Variants in SCFD2 observed in about 807,000 individuals in gnomAD.
SCFD2 encodes sec1 family domain-containing protein 2.
Under a neutral mutation model 58.9 loss-of-function variants are expected in SCFD2, and 54 were observed. The observed-to-expected ratio is 0.92, with a 90% confidence interval of 0.74 to 1.15. SCFD2 has a LOEUF of 1.15. SCFD2 is among the 50% of genes most tolerant of loss of function. The pLI, the probability that SCFD2 is intolerant of heterozygous loss-of-function variation, is 0.00. For synonymous variants in SCFD2, 321 were observed against 335.9 expected (o/e 0.96, Z 0.49); for missense variants, 805 against 836.6 (o/e 0.96, Z 0.47).
chr4:53,335,333 T>G (rs1733649356), intron 2 of SCFD2, among the ~76,000 whole-genome samples: 1 of 152,010 alleles, frequency 6.6e-6, no homozygotes, highest in African/African-American at 2.4e-5. Context: ...TGAAGAACAT[T>G]CTCCAAAATT....
intron 4 of SCFD2, among the ~76,000 whole-genome samples, chr4:53,248,875 C>T (rs1320798462): frequency 6.6e-6 from 1 of 152,176 alleles, no homozygotes; most frequent in East Asian, 1.9e-4. Context: ...CAGAAAAACT[C>T]GAAATTCTAA....
At chr4:52,970,568 C>G (rs1721073935) in intron 5 of SCFD2, among the ~76,000 whole-genome samples, 1 of 152,228 alleles carries the variant, frequency 6.6e-6, no homozygotes, top group African/African-American at 2.4e-5. Flanking sequence ...GCCTGCCTGC[C>G]TCTGTAGACT....
chr4:52,945,396 C>T (rs1183261609), intron 5 of SCFD2, among the ~76,000 whole-genome samples: 1 of 152,118 alleles, frequency 6.6e-6, no homozygotes, highest in African/African-American at 2.4e-5. Context: ...TATCCCCAGC[C>T]CACACTTAAG....
intron 5 of SCFD2, among the ~76,000 whole-genome samples, chr4:53,037,330 G>T (rs1483208231): frequency 3.9e-5 from 6 of 152,082 alleles, no homozygotes; most frequent in African/African-American, 1.4e-4. Flanking sequence ...AAAAATTATG[G>T]AGAAATATTC....
intron 5 of SCFD2, among the ~76,000 whole-genome samples, chr4:52,990,225 C>T (rs1018497905): frequency 6.6e-6 from 1 of 152,232 alleles, no homozygotes; most frequent in Non-Finnish European, 1.5e-5. Flanking sequence ...TGTTTTCTTA[C>T]ATTTAATATC....
rs1437046932 is a variant in SCFD2, at chr4:52,873,489, G to A, written c.*480C>T. 6.5e-6 allele frequency: 1 copy of A among 153,798 alleles called. No individual in the cohort carries two copies. Among genetic ancestry groups the A allele is most frequent in the African/African-American group, 2.4e-5 (1 of 41,430 alleles). 9.5% of individuals were successfully genotyped at this position (153,798 alleles called of 1,614,324 possible). A position where few individuals can be genotyped will look rare whatever the true frequency, so the allele number is the denominator to read the frequency against. ...TGTTTCAGAGCAAGAGAGAAACAAA[G>A]CCTCAGACCCTATTTGCAATGTTCC... On this transcript the variant is annotated 3_prime_UTR_variant, in exon 9 of 9. Transcript: ENST00000401642.
At chr4:53,343,259 G>T (rs1461124255) in intron 2 of SCFD2, among the ~76,000 whole-genome samples, 10 of 152,130 alleles carry the variant, frequency 6.6e-5, no homozygotes, top group Non-Finnish European at 1.5e-4. Context: ...GATGAAAAAT[G>T]ATAAAGGGGT....
intron 4 of SCFD2, among the ~76,000 whole-genome samples, chr4:53,272,772 T>A (rs1470353670): frequency 6.6e-6 from 1 of 152,032 alleles, no homozygotes; most frequent in Non-Finnish European, 1.5e-5. Flanking sequence ...AGTTAATGGG[T>A]GCAGCACATC....
chr4:53,107,061 G>A (rs908933790), intron 5 of SCFD2, among the ~76,000 whole-genome samples: 1 of 152,124 alleles, frequency 6.6e-6, no homozygotes, highest in African/African-American at 2.4e-5. Context: ...AAGAGAGTGG[G>A]GGCCAATATT....
chr4:53,109,237 A>G (rs1180333718), intron 5 of SCFD2, among the ~76,000 whole-genome samples: 2 of 152,242 alleles, frequency 1.3e-5, no homozygotes, highest in South Asian at 2.1e-4. Context: ...AGAGCTATCT[A>G]TGACAAACCC....
At chr4:52,962,473 A>G (rs1720872741) in intron 5 of SCFD2, among the ~76,000 whole-genome samples, 1 of 152,176 alleles carries the variant, frequency 6.6e-6, no homozygotes, top group Admixed American at 6.5e-5. Flanking sequence ...AGTCTTCCCT[A>G]TAAATGTCGT....
At chr4:52,995,354 CGG>C (rs1373247080) in intron 5 of SCFD2, among the ~76,000 whole-genome samples, 4 of 152,144 alleles carry the variant, frequency 2.6e-5, no homozygotes, top group African/African-American at 9.7e-5. Context: ...GGAGCTCAGG[CGG>C]TAATGCTCCC....
chr4:52,966,848 A>G (rs1720976101), intron 5 of SCFD2, among the ~76,000 whole-genome samples: 1 of 152,216 alleles, frequency 6.6e-6, no homozygotes, highest in Admixed American at 6.5e-5. Flanking sequence ...AAGCTCATGT[A>G]TATAACATAA....
At chr4:53,271,598 G>A (rs1012452224) in intron 4 of SCFD2, among the ~76,000 whole-genome samples, 12 of 151,902 alleles carry the variant, frequency 7.9e-5, no homozygotes, top group Non-Finnish European at 2.9e-5. Flanking sequence ...GAGTAGCTGG[G>A]ACTACAGAGG....
chr4:53,198,355 T>G (rs1464594978), intron 4 of SCFD2, among the ~76,000 whole-genome samples: 1 of 152,036 alleles, frequency 6.6e-6, no homozygotes, highest in Non-Finnish European at 1.5e-5. Context: ...CGGGCTGTTA[T>G]AAATTCAAAC....
chr4:53,234,607 G>C (rs1249942542), intron 4 of SCFD2, among the ~76,000 whole-genome samples: 2 of 151,872 alleles, frequency 1.3e-5, no homozygotes, highest in African/African-American at 4.8e-5. Flanking sequence ...ACATTTCTTT[G>C]GAAAATTTAA....
intron 6 of SCFD2, among the ~76,000 whole-genome samples, chr4:52,919,315 A>G (rs1719680097): frequency 6.6e-6 from 1 of 152,180 alleles, no homozygotes; most frequent in South Asian, 2.1e-4. Context: ...ATCATATATC[A>G]CTAGTTCTAG....
At chr4:53,008,919 T>C (rs1367074215) in intron 5 of SCFD2, among the ~76,000 whole-genome samples, 7 of 152,188 alleles carry the variant, frequency 4.6e-5, no homozygotes, top group Admixed American at 2.0e-4. Context: ...TTCTATGTAC[T>C]TTTCTCTTTT....
At chr4:53,302,796 G>A (rs1280382993) in intron 3 of SCFD2, among the ~76,000 whole-genome samples, 1 of 151,954 alleles carries the variant, frequency 6.6e-6, no homozygotes, top group Non-Finnish European at 1.5e-5. Flanking sequence ...AAATAATGCT[G>A]CATATCTACA....
Sources: allele counts gnomAD v4.1 joint callset (sites outside exome capture counted in the v4.1 genomes callset), GRCh38; gene constraint gnomAD v4.1.1; transcripts MANE v1.5; gene names NCBI Gene and HGNC (gene_info 2026-07-23, HGNC 2026-07-21).